ICA1L: variants seen among roughly 807,000 people sequenced by gnomAD.
ICA1L encodes the protein islet cell autoantigen 1 like.
In ICA1L, 50 loss-of-function variants were observed where a neutral mutation model predicts 61.3. The observed-to-expected ratio is 0.82, with a 90% CI of 0.65 to 1.03. ICA1L has a LOEUF of 1.03. ICA1L is among the 50% of genes least tolerant of loss of function. The probability of loss-of-function intolerance (pLI) is 0.00; values close to 1 mark genes in which losing one functional copy is unlikely to be tolerated. For missense variants in ICA1L, 508 were observed against 556.7 expected (o/e 0.91, Z 0.88); for synonymous variants, 161 against 191.3 (o/e 0.84, Z 1.31).
At position 202,773,987 on chromosome 2, in the gene ICA1L, T is replaced by A; in HGVS notation, c.*5546A>T. 1 of 917,808 alleles carries A rather than the reference T, an allele frequency of 1.1e-6. No individual in the cohort carries two copies. Among genetic ancestry groups the A allele is most frequent in the Non-Finnish European group, 1.7e-6 (1 of 598,610 alleles). 56.9% of individuals were successfully genotyped at this position (917,808 alleles called of 1,614,324 possible). A position where few individuals can be genotyped will look rare whatever the true frequency, so the allele number is the denominator to read the frequency against. On this transcript the variant is annotated 3_prime_UTR_variant, in exon 13 of 13. Coordinates refer to ENST00000358299, the MANE Select transcript of ICA1L (RefSeq NM_001288622.3). The stretch of plus-strand genomic sequence containing the variant: ...CTGTGTTTTAAAAGGTATATGGTAC[T>A]AAGAAGAGTTGGCTGTTTTATTTTT...
chr2:202,779,813 T>A (rs560698586), intron 12 of ICA1L, among the ~76,000 whole-genome samples, 165 bp from the exon 13 acceptor site: 1 of 151,554 alleles, frequency 6.6e-6, no homozygotes. Flanking sequence ...TTTTTTTTTT[T>A]TTTTGTTTTC....
intron 1 of ICA1L, among the ~76,000 whole-genome samples, chr2:202,838,232 C>T (rs1291664730): frequency 6.6e-6 from 1 of 152,174 alleles, no homozygotes. Context: ...TTAATTTCCA[C>T]ATATTTGTGA....
chr2:202,855,351 G>A (rs1179547565), intron 1 of ICA1L, among the ~76,000 whole-genome samples: 3 of 151,994 alleles, frequency 2.0e-5, no homozygotes, highest in South Asian at 2.1e-4. Context: ...AAAAATCAAC[G>A]AATCCAGGAG....
intron 1 of ICA1L, among the ~76,000 whole-genome samples, chr2:202,868,612 G>T (rs1687593927): frequency 6.6e-6 from 1 of 152,138 alleles, no homozygotes; most frequent in South Asian, 2.1e-4. Flanking sequence ...AACAATCTAA[G>T]TATATTAATA....
rs1406634361 is a variant in ICA1L at position 202,815,975 on chromosome 2, C to T, written c.719G>A (p.Arg240Gln). Residue 240 changes from arginine (R) to glutamine (Q), a missense_variant, in exon 7 of 13, where the codon CGA (arginine) becomes CAA (glutamine). Transcript: ENST00000358299. ...GGCTTCATGAATTTGGGACATCATT[C>T]GAGCTGTTTTCTTCCAGAATCCAAG... ...TLLGFWKKTA[R>Q]MMSQIHEACI... 6.9e-6 allele frequency: 11 copies of T among 1,603,916 alleles called. No homozygotes were observed. The highest frequency in any genetic ancestry group is 5.1e-5 in the Admixed American group (3 of 58,336).
At chr2:202,786,826 G>A (rs1271093813) in intron 11 of ICA1L, 2 of 430,692 alleles carry the variant, frequency 4.6e-6, no homozygotes, top group African/African-American at 4.2e-5. Context: ...GGTAGATTAT[G>A]TTGTATAAAA....
At chr2:202,782,833 C>T (rs900534728) in intron 12 of ICA1L, among the ~76,000 whole-genome samples, 19 of 151,602 alleles carry the variant, frequency 1.3e-4, no homozygotes, top group East Asian at 7.7e-4. Flanking sequence ...TTTTTGTGTT[C>T]GTTTCTGAAA....
chr2:202,796,321 A>C (rs1692925504), intron 10 of ICA1L, among the ~76,000 whole-genome samples: 1 of 152,212 alleles, frequency 6.6e-6, no homozygotes, highest in South Asian at 2.1e-4. Context: ...TTTTAACTTA[A>C]AGAAATTTAA....
rs763614443 is a variant in ICA1L, at chr2:202,821,381, T to G, written c.336A>C (p.Ala112=). Residue 112 remains alanine (A), a synonymous_variant, in exon 4 of 13, where the codon GCA becomes GCC. Transcript: ENST00000358299. ...ACCTTTGCTTGGCTGAAGAACAAAG[T>G]GCCTTGCCAGTGGCATCCATCATTT... ...AGKMMDATGK[A]LCSSAKQRLA... 1 of 1,613,678 alleles carries G rather than the reference T, an allele frequency of 6.2e-7. No individual in the cohort carries two copies. The highest frequency in any genetic ancestry group is 1.1e-5 in the South Asian group (1 of 91,026).
At chr2:202,820,447 G>T (rs549939558) in intron 4 of ICA1L, among the ~76,000 whole-genome samples, 148 of 152,028 alleles carry the variant, frequency 9.7e-4, no homozygotes, top group Non-Finnish European at 1.6e-3. Flanking sequence ...CAATACTTTG[G>T]AAGTTATTCC....
chr2:202,800,186 C>T (rs1693052317), intron 9 of ICA1L, among the ~76,000 whole-genome samples: 1 of 151,922 alleles, frequency 6.6e-6, no homozygotes, highest in African/African-American at 2.4e-5. Flanking sequence ...TGGCCTGCTG[C>T]TTTATTCTTT....
intron 1 of ICA1L, among the ~76,000 whole-genome samples, chr2:202,838,114 A>C (rs1386874912): frequency 6.6e-6 from 1 of 152,196 alleles, no homozygotes; most frequent in Non-Finnish European, 1.5e-5. Flanking sequence ...TCGGCCTCCC[A>C]AACTGCTGGG....
chr2:202,810,060 A>G (rs1693331151), intron 9 of ICA1L, among the ~76,000 whole-genome samples: 1 of 152,310 alleles, frequency 6.6e-6, no homozygotes, highest in East Asian at 1.9e-4. Flanking sequence ...CAAACTCCCA[A>G]AGGTCAACGA....
chr2:202,828,783 G>T, intron 2 of ICA1L, 65 bp downstream of exon 2: 1 of 1,309,042 alleles, frequency 7.6e-7, no homozygotes, highest in Non-Finnish European at 1.1e-6. Context: ...AAAACCTGTT[G>T]CAGTTCCCCT....
intron 1 of ICA1L, chr2:202,841,562 T>C: frequency 1.4e-6 from 1 of 707,220 alleles, no homozygotes; most frequent in Non-Finnish European, 2.6e-6. Context: ...CAGCAGGCTC[T>C]GGTTGACTGT....
chr2:202,803,984 T>C (rs533330923), intron 9 of ICA1L, among the ~76,000 whole-genome samples: 1 of 152,160 alleles, frequency 6.6e-6, no homozygotes, highest in Non-Finnish European at 1.5e-5. Context: ...AAATCATAAG[T>C]GTTAAAAATA....
intron 1 of ICA1L, among the ~76,000 whole-genome samples, chr2:202,836,557 G>A (rs2105867037): frequency 1.3e-5 from 2 of 152,120 alleles, no homozygotes; most frequent in South Asian, 4.2e-4. Flanking sequence ...CAATTTTTTG[G>A]AAGAGTTTCA....
In ICA1L at chr2:202,779,652, T is replaced by C. The variant is rs377749352; in HGVS notation, c.1334-4A>G. ...TCTTGGTTGCCATTGTTGGGGGCTA[T>C]TAAAAAAGAAAAAAAATACATTAAA... On this transcript the variant is annotated splice_polypyrimidine_tract_variant and splice_region_variant and intron_variant, in intron 12 of 12. Coordinates refer to ENST00000358299, the MANE Select transcript of ICA1L (RefSeq NM_001288622.3). 5.6e-4 allele frequency: 864 copies of C among 1,554,836 alleles called. 1 individual carries two copies. Among genetic ancestry groups the C allele is most frequent in the Non-Finnish European group, 7.2e-4 (822 of 1,135,642 alleles).
chr2:202,863,776 G>C (rs1185376370), intron 1 of ICA1L, among the ~76,000 whole-genome samples: 1 of 149,242 alleles, frequency 6.7e-6, no homozygotes, highest in Admixed American at 6.7e-5. Context: ...GCAGTGAGCC[G>C]AGATAGCACC....
Sources: gnomAD v4.1 joint callset for allele counts (sites outside exome capture counted in the v4.1 genomes callset) on GRCh38, gnomAD v4.1.1 for gene constraint, MANE v1.5 for transcripts, NCBI Gene and HGNC (gene_info 2026-07-23, HGNC 2026-07-21) for gene names.